OPCML: variants seen among roughly 807,000 people sequenced by gnomAD.
OPCML encodes the protein opioid binding protein/cell adhesion molecule like, also known as opioid-binding protein/cell adhesion molecule.
OPCML carries 13 observed loss-of-function variants against 37.8 expected under a neutral mutation model. The observed-to-expected ratio is 0.34, with a 90% CI of 0.22 to 0.55. OPCML has a LOEUF of 0.55. Among genes scored for constraint, OPCML ranks in the 20% least tolerant of loss-of-function variants. The pLI, the probability that OPCML is intolerant of heterozygous loss-of-function variation, is 0.91. For missense variants in OPCML, 341 were observed against 435.6 expected (o/e 0.78, Z 1.93); for synonymous variants, 176 against 168.8 (o/e 1.04, Z -0.33).
intron 2 of OPCML, among the ~76,000 whole-genome samples, chr11:132,695,705 T>A (rs1273435902): frequency 6.6e-6 from 1 of 152,176 alleles, no homozygotes; most frequent in Admixed American, 6.5e-5. Context: ...TGGCGATTTC[T>A]TCTTCCTGAC....
chr11:132,872,265 A>C (rs1942828310), intron 2 of OPCML, among the ~76,000 whole-genome samples: 1 of 152,230 alleles, frequency 6.6e-6, no homozygotes, highest in African/African-American at 2.4e-5. Context: ...CAAGTATTTA[A>C]GGCTTTGTTT....
intron 3 of OPCML, among the ~76,000 whole-genome samples, chr11:132,572,508 T>C (rs1265831598): frequency 6.6e-6 from 1 of 152,066 alleles, no homozygotes; most frequent in Admixed American, 6.6e-5. Context: ...TAGATAAGAG[T>C]GTCCTCTATC....
At chr11:133,233,239 C>T (rs908063683) in intron 1 of OPCML, among the ~76,000 whole-genome samples, 5 of 152,216 alleles carry the variant, frequency 3.3e-5, no homozygotes, top group Non-Finnish European at 7.3e-5. Flanking sequence ...CTATACCACC[C>T]TTTGTAGGAA....
At chr11:133,004,275 A>G (rs935149615) in intron 1 of OPCML, 2 of 985,342 alleles carry the variant, frequency 2.0e-6, no homozygotes, top group African/African-American at 3.5e-5. Context: ...TTGCCAGAGG[A>G]AAGCAAATGT....
In OPCML at chr11:132,457,419, T is replaced by G. The variant is rs112763845; in HGVS notation, c.506-20060A>C. Among the ~76,000 whole-genome samples, 1,002 of 152,318 alleles carry G rather than the reference T, an allele frequency of 6.6e-3. 15 individuals are homozygous for G. The highest frequency in any genetic ancestry group is 0.023 in the African/African-American group (950 of 41,584). On this transcript the variant is annotated intron_variant, in intron 4 of 7. Coordinates refer to ENST00000524381, the MANE Select transcript of OPCML (RefSeq NM_001012393.5). ...TACATTTACAAACACATAGAATTCA[T>G]GATAAAGAGATTCATGCTTTAACAA...
chr11:132,762,813 G>A (rs1259838031), intron 2 of OPCML, among the ~76,000 whole-genome samples: 2 of 152,104 alleles, frequency 1.3e-5, no homozygotes, highest in Non-Finnish European at 2.9e-5. Flanking sequence ...CCCTTTCCAG[G>A]GGAGTTAATG....
chr11:133,516,702 G>C (rs1398357052), intron 1 of OPCML, among the ~76,000 whole-genome samples: 2 of 152,172 alleles, frequency 1.3e-5, no homozygotes, highest in African/African-American at 4.8e-5. Context: ...GCAGAGCCGG[G>C]ACAGAGCGGG....
intron 2 of OPCML, among the ~76,000 whole-genome samples, chr11:132,679,249 A>G (rs1233526536): frequency 1.3e-5 from 2 of 152,170 alleles, no homozygotes; most frequent in African/African-American, 2.4e-5. Flanking sequence ...TCCTAGATAC[A>G]TACACAGGAG....
intron 1 of OPCML, among the ~76,000 whole-genome samples, chr11:133,117,028 T>C (rs1045725667): frequency 6.6e-6 from 1 of 152,154 alleles, no homozygotes; most frequent in African/African-American, 2.4e-5. Context: ...ATCTATTTAA[T>C]TCCATACAAC....
At chr11:132,421,294 C>A (rs113377075) in intron 7 of OPCML, among the ~76,000 whole-genome samples, 1 of 152,248 alleles carries the variant, frequency 6.6e-6, no homozygotes, top group African/African-American at 2.4e-5. Flanking sequence ...AAAGCCATTA[C>A]GAGGCATTTC....
chr11:133,311,090 G>A (rs1038496189), intron 1 of OPCML, among the ~76,000 whole-genome samples: 8 of 152,126 alleles, frequency 5.3e-5, no homozygotes, highest in African/African-American at 1.9e-4. Context: ...GTAGGATATT[G>A]TACTCAGAAT....
chr11:132,850,284 C>T (rs1285404840), intron 2 of OPCML, among the ~76,000 whole-genome samples: 1 of 152,130 alleles, frequency 6.6e-6, no homozygotes, highest in African/African-American at 2.4e-5. Context: ...CCTTCCTGTG[C>T]ACCAATCAGG....
intron 1 of OPCML, among the ~76,000 whole-genome samples, chr11:133,241,446 C>G (rs1940727101): frequency 6.6e-6 from 1 of 152,198 alleles, no homozygotes; most frequent in Non-Finnish European, 1.5e-5. Context: ...CCATTGTGCA[C>G]CTAAATGGTA....
intron 2 of OPCML, among the ~76,000 whole-genome samples, chr11:132,892,072 A>G (rs556755240): frequency 3.7e-4 from 56 of 152,342 alleles, no homozygotes; most frequent in Middle Eastern, 3.4e-3. Flanking sequence ...AAGCTACAAT[A>G]TTAAAGTATG....
intron 1 of OPCML, among the ~76,000 whole-genome samples, chr11:133,191,714 G>A (rs931764177): frequency 1.3e-5 from 2 of 151,970 alleles, no homozygotes; most frequent in African/African-American, 4.8e-5. Context: ...GGCTGGTCTT[G>A]AGCTCCTGAC....
intron 2 of OPCML, among the ~76,000 whole-genome samples, chr11:132,880,534 G>A (rs1943188474): frequency 6.6e-6 from 1 of 152,244 alleles, no homozygotes; most frequent in African/African-American, 2.4e-5. Flanking sequence ...AAACAAAACT[G>A]GGCCCAGTGG....
intron 2 of OPCML, among the ~76,000 whole-genome samples, chr11:132,790,040 C>CA (rs1345257179): frequency 2.0e-5 from 3 of 152,044 alleles, no homozygotes; most frequent in African/African-American, 4.8e-5. Context: ...GGAAGTTTCT[C>CA]AAAAAAACTA....
intron 1 of OPCML, chr11:133,024,398 G>A (rs1947510161): frequency 9.1e-6 from 9 of 985,176 alleles, no homozygotes; most frequent in South Asian, 4.7e-5. Flanking sequence ...GGAGACCTCT[G>A]GAGAGATTTA....
chr11:132,551,181 A>G (rs560713747), intron 3 of OPCML, among the ~76,000 whole-genome samples: 21 of 152,280 alleles, frequency 1.4e-4, no homozygotes, highest in African/African-American at 5.1e-4. Flanking sequence ...CAACACTAAG[A>G]AGCTGTCTGT....
Sources: gnomAD v4.1 joint callset for allele counts (sites outside exome capture counted in the v4.1 genomes callset) on GRCh38, gnomAD v4.1.1 for gene constraint, MANE v1.5 for transcripts, NCBI Gene and HGNC (gene_info 2026-07-23, HGNC 2026-07-21) for gene names.